LPCAT2: variants seen among roughly 807,000 people sequenced by gnomAD.
The protein encoded by LPCAT2 is lysophosphatidylcholine acyltransferase 2, also known as 1-AGP acyltransferase 11.
A neutral mutation model predicts 64.7 loss-of-function variants in LPCAT2; 58 were observed. The observed-to-expected ratio is 0.90, with a 90% CI of 0.73 to 1.12. LPCAT2 has a LOEUF of 1.12. Ranked by LOEUF, LPCAT2 falls within the 50% of genes most tolerant of loss-of-function variation. The probability of loss-of-function intolerance (pLI) is 0.00; values close to 1 mark genes in which losing one functional copy is unlikely to be tolerated. For synonymous variants in LPCAT2, 252 were observed against 245.3 expected (o/e 1.03, Z -0.26); for missense variants, 579 against 669.8 (o/e 0.86, Z 1.50).
intron 4 of LPCAT2, among the ~76,000 whole-genome samples, chr16:55,530,440 AC>A (rs1235153939): frequency 1.3e-5 from 2 of 149,190 alleles, no homozygotes; most frequent in African/African-American, 2.5e-5. Context: ...CACCTGTAGA[AC>A]CTTTTTTCAA....
intron 12 of LPCAT2, among the ~76,000 whole-genome samples, chr16:55,577,719 C>T (rs1963843497): frequency 6.6e-6 from 1 of 152,166 alleles, no homozygotes; most frequent in Non-Finnish European, 1.5e-5. Context: ...GTCTACCCCA[C>T]TCTACTGCCT....
intron 11 of LPCAT2, among the ~76,000 whole-genome samples, chr16:55,558,677 G>T (rs1963603064): frequency 6.6e-6 from 1 of 152,078 alleles, no homozygotes; most frequent in Non-Finnish European, 1.5e-5. Flanking sequence ...CAGACCACAT[G>T]GTGTCTGTTA....
chr16:55,523,890 G>T (rs541250969), intron 1 of LPCAT2, among the ~76,000 whole-genome samples: 4 of 151,854 alleles, frequency 2.6e-5, no homozygotes, highest in African/African-American at 9.6e-5. Context: ...CTTAAAATAG[G>T]TGTTTTTTCT....
intron 11 of LPCAT2, among the ~76,000 whole-genome samples, chr16:55,560,520 A>G (rs1410867099): frequency 6.6e-6 from 1 of 152,130 alleles, no homozygotes; most frequent in Non-Finnish European, 1.5e-5. Flanking sequence ...CCAGACCCAG[A>G]TAAAGAAAGA....
chr16:55,541,885 A>G, intron 8 of LPCAT2: 1 of 1,287,710 alleles, frequency 7.8e-7, no homozygotes, highest in Non-Finnish European at 1.0e-6. Context: ...GTTTAAAAAT[A>G]TCTTCCTTCT....
chr16:55,555,801 G>T lies in LPCAT2; in HGVS notation c.1215+4699G>T, dbSNP rs564942598. On this transcript the variant is annotated intron_variant, in intron 11 of 13. Transcript: ENST00000262134. Reference sequence around the variant, plus strand: ...TGCAATGAAGATTTAGGGGAAGAAAGAAGTAAATTATTGTTTATTTGTTTT... The same window carrying T: ...TGCAATGAAGATTTAGGGGAAGAAATAAGTAAATTATTGTTTATTTGTTTT... Among the ~76,000 whole-genome samples the T allele has an allele frequency of 7.9e-5, 12 of 152,214 alleles. No individual in the cohort carries two copies. The South Asian group carries it at 2.5e-3, about 32-fold the overall frequency.
chr16:55,512,345 G>T (rs1219443514), intron 1 of LPCAT2, among the ~76,000 whole-genome samples: 5 of 152,122 alleles, frequency 3.3e-5, no homozygotes. Context: ...AAAACTACAC[G>T]AAGGCACTAT....
chr16:55,566,028 G>A (rs1276490526), intron 11 of LPCAT2, among the ~76,000 whole-genome samples: 1 of 152,136 alleles, frequency 6.6e-6, no homozygotes, highest in East Asian at 1.9e-4. Flanking sequence ...CTAGAAAGAA[G>A]TATGAAGAGG....
chr16:55,570,414 A>G (rs1055892658), intron 11 of LPCAT2, among the ~76,000 whole-genome samples: 4 of 152,086 alleles, frequency 2.6e-5, no homozygotes, highest in Non-Finnish European at 5.9e-5. Context: ...CTTTGAGCCC[A>G]GTAGTTCAAG....
intron 13 of LPCAT2, among the ~76,000 whole-genome samples, chr16:55,582,288 A>T (rs1339182479): frequency 2.0e-5 from 3 of 152,178 alleles, no homozygotes; most frequent in East Asian, 3.9e-4. Context: ...GGGGGTTGTT[A>T]TCCTGACTTA....
chr16:55,542,008 A>G, intron 8 of LPCAT2: 1 of 1,144,406 alleles, frequency 8.7e-7, no homozygotes, highest in Non-Finnish European at 1.1e-6. Flanking sequence ...GAAAAAATAA[A>G]AGATTGATTA....
Position 55,583,745 on chromosome 16 carries a change from C to T in LPCAT2, c.*647C>T. ...TCACCCAGGCTGGAGTGCAGTGGTG[C>T]AATCTCAGCTCACTGCAACCTCTGC... is the stretch of plus-strand genomic sequence containing the variant. On this transcript the variant is annotated 3_prime_UTR_variant, in exon 14 of 14. Transcript: ENST00000262134. 6.5e-6 allele frequency: 1 copy of T among 152,848 alleles called. No homozygotes were observed. Among genetic ancestry groups the T allele is most frequent in the Non-Finnish European group, 1.5e-5 (1 of 68,538 alleles). The allele number at this position is 152,848 out of a possible 1,614,324, so 9.5% of individuals were successfully genotyped here.
At position 55,557,806 on chromosome 16, in the gene LPCAT2, C is replaced by T. The variant is rs1448678857; in HGVS notation, c.1215+6704C>T. On this transcript the variant is annotated intron_variant, in intron 11 of 13. Coordinates refer to ENST00000262134, the MANE Select transcript of LPCAT2 (RefSeq NM_017839.5). ...TTTCTTCCCACCTGCATTCTTGGTT[C>T]GTCTACAAAAACTTCATAATGGTTT... 5.9e-5 allele frequency among the ~76,000 whole-genome samples: 9 copies of T among 152,094 alleles called. No individual in the cohort carries two copies. In the East Asian group the frequency reaches 7.7e-4, roughly 13 times the overall value.
At chr16:55,582,174 C>T (rs1488553430) in intron 13 of LPCAT2, among the ~76,000 whole-genome samples, 1 of 152,048 alleles carries the variant, frequency 6.6e-6, no homozygotes, top group Non-Finnish European at 1.5e-5. Flanking sequence ...ATAAAGTGAA[C>T]ACCCATGTAA....
intron 9 of LPCAT2, among the ~76,000 whole-genome samples, chr16:55,546,274 T>G (rs532323774): frequency 1.3e-5 from 2 of 152,312 alleles, no homozygotes; most frequent in South Asian, 4.1e-4. Context: ...AAAATAGGAT[T>G]TAGAAACTAT....
chr16:55,575,504 A>G (rs1164025723), intron 12 of LPCAT2, among the ~76,000 whole-genome samples: 2 of 152,110 alleles, frequency 1.3e-5, no homozygotes, highest in Non-Finnish European at 2.9e-5. Flanking sequence ...TGTCTTGCTA[A>G]GCTATGTATA....
chr16:55,526,534 T>A (rs905366460), intron 2 of LPCAT2, among the ~76,000 whole-genome samples: 21 of 152,208 alleles, frequency 1.4e-4, no homozygotes, highest in Non-Finnish European at 2.9e-5. Flanking sequence ...ATACATAGTT[T>A]GCTGTTCAGT....
At chr16:55,535,920 T>C (rs1963318344) in intron 7 of LPCAT2, among the ~76,000 whole-genome samples, 1 of 152,164 alleles carries the variant, frequency 6.6e-6, no homozygotes, top group Non-Finnish European at 1.5e-5. Flanking sequence ...TTAGTTAATC[T>C]AGCCTTCTCA....
intron 1 of LPCAT2, among the ~76,000 whole-genome samples, chr16:55,519,056 T>C (rs1224491341): frequency 5.3e-5 from 8 of 151,140 alleles, no homozygotes; most frequent in Admixed American, 4.6e-4. Flanking sequence ...TCAAAACATA[T>C]AAATAACTCT....
Sources: allele counts gnomAD v4.1 joint callset (sites outside exome capture counted in the v4.1 genomes callset), GRCh38; gene constraint gnomAD v4.1.1; transcripts MANE v1.5; gene names NCBI Gene and HGNC (gene_info 2026-07-23, HGNC 2026-07-21).